Variants in CACNB2 observed in about 807,000 individuals in gnomAD.
The protein encoded by CACNB2 is voltage-dependent L-type calcium channel subunit beta-2.
In CACNB2, 42 loss-of-function variants were observed where a neutral mutation model predicts 73.3. The ratio of observed to expected loss-of-function variants is 0.57; its 90% CI spans 0.45 to 0.74. The LOEUF (loss-of-function observed/expected upper bound fraction) is 0.74. CACNB2 is among the 30% of genes least tolerant of loss of function. The pLI, the probability that CACNB2 is intolerant of heterozygous loss-of-function variation, is 0.00. For missense variants in CACNB2, 940 were observed against 853.0 expected (o/e 1.10, Z -1.27); for synonymous variants, 348 against 310.3 (o/e 1.12, Z -1.28).
At chr10:18,469,372 A>AC (rs1364102942) in intron 3 of CACNB2, among the ~76,000 whole-genome samples, 1 of 152,090 alleles carries the variant, frequency 6.6e-6, no homozygotes, top group Non-Finnish European at 1.5e-5. Flanking sequence ...TCTGTCAATT[A>AC]CCCCATCTTC....
chr10:18,479,919 C>G (rs1456582065), intron 3 of CACNB2, among the ~76,000 whole-genome samples: 1 of 152,102 alleles, frequency 6.6e-6, no homozygotes, highest in Non-Finnish European at 1.5e-5. Flanking sequence ...CAGCTCATTA[C>G]TTTTAGAGTC....
At chr10:18,468,030 A>T (rs1407337185) in intron 3 of CACNB2, among the ~76,000 whole-genome samples, 1 of 152,206 alleles carries the variant, frequency 6.6e-6, no homozygotes, top group Non-Finnish European at 1.5e-5. Flanking sequence ...GCCTTAAGGA[A>T]GATGGCATTC....
chr10:18,143,966 A>C (rs2130994080), intron 1 of CACNB2, among the ~76,000 whole-genome samples: 1 of 152,344 alleles, frequency 6.6e-6, no homozygotes, highest in Admixed American at 6.5e-5. Context: ...CATTCTGTCT[A>C]GAGAGAGGGA....
At chr10:18,345,223 T>G (rs1371884538) in intron 2 of CACNB2, among the ~76,000 whole-genome samples, 2 of 152,242 alleles carry the variant, frequency 1.3e-5, no homozygotes, top group Non-Finnish European at 2.9e-5. Context: ...TTGAATGTTC[T>G]TATAAGTCCC....
chr10:18,487,822 G>C (rs2049146299), intron 3 of CACNB2, among the ~76,000 whole-genome samples: 2 of 133,790 alleles, frequency 1.5e-5, no homozygotes, highest in Admixed American at 1.6e-4. Flanking sequence ...CTGGGCAACA[G>C]AGCAAGACTC....
At chr10:18,155,546 A>G (rs114133421) in intron 2 of CACNB2, among the ~76,000 whole-genome samples, 2 of 152,334 alleles carry the variant, frequency 1.3e-5, no homozygotes, top group African/African-American at 4.8e-5. Context: ...TTTCATACAC[A>G]TATGTATGCA....
At chr10:18,310,696 C>T (rs999785422) in intron 2 of CACNB2, among the ~76,000 whole-genome samples, 8 of 150,010 alleles carry the variant, frequency 5.3e-5, no homozygotes, top group Non-Finnish European at 1.2e-4. Context: ...TCTCCTGCCT[C>T]AGCCTCCCTA....
chr10:18,471,675 C>G (rs1293565359), intron 3 of CACNB2, among the ~76,000 whole-genome samples: 1 of 152,156 alleles, frequency 6.6e-6, no homozygotes, highest in East Asian at 1.9e-4. Context: ...CCACATGTAA[C>G]TATGGCCTGC....
intron 2 of CACNB2, among the ~76,000 whole-genome samples, chr10:18,304,824 C>G (rs773224934): frequency 2.6e-5 from 4 of 152,216 alleles, no homozygotes; most frequent in South Asian, 4.1e-4. Flanking sequence ...AGAAATCTCT[C>G]TCTCTGCTCT....
At chr10:18,201,592 A>G (rs2034885406) in intron 2 of CACNB2, among the ~76,000 whole-genome samples, 1 of 152,120 alleles carries the variant, frequency 6.6e-6, no homozygotes, top group Non-Finnish European at 1.5e-5. Flanking sequence ...TTTTTAATTG[A>G]CACATAATAA....
chr10:18,378,383 A>C (rs2042886155), intron 2 of CACNB2, among the ~76,000 whole-genome samples: 2 of 152,224 alleles, frequency 1.3e-5, no homozygotes, highest in African/African-American at 2.4e-5. Context: ...TAGCACCTAT[A>C]AAATTTCTTT....
chr10:18,358,543 TC>T (rs2042020356), intron 2 of CACNB2, among the ~76,000 whole-genome samples: 1 of 30,980 alleles, frequency 3.2e-5, no homozygotes, highest in African/African-American at 1.1e-4. Context: ...TCTCTCTCTC[TC>T]TCTCTCTCGC....
intron 2 of CACNB2, among the ~76,000 whole-genome samples, chr10:18,265,495 C>T (rs536065125): frequency 5.3e-5 from 8 of 152,154 alleles, no homozygotes; most frequent in Non-Finnish European, 1.2e-4. Context: ...CTTAGGTTAT[C>T]TGTCTTTTCA....
At chr10:18,422,702 AT>A (rs1423503774) in intron 3 of CACNB2, among the ~76,000 whole-genome samples, 2 of 140,000 alleles carry the variant, frequency 1.4e-5, no homozygotes, top group African/African-American at 2.6e-5. Context: ...TTCAAAAAAA[AT>A]TTTTTTTAAG....
chr10:18,526,838 C>T (rs1306924079), intron 9 of CACNB2, among the ~76,000 whole-genome samples: 1 of 152,100 alleles, frequency 6.6e-6, no homozygotes, highest in Non-Finnish European at 1.5e-5. Context: ...ATGCCTATCA[C>T]AGCAATGAAC....
At chr10:18,261,155 A>G in intron 2 of CACNB2, 1 of 1,544,198 alleles carries the variant, frequency 6.5e-7, no homozygotes, top group Non-Finnish European at 8.7e-7. Context: ...TGATTTGCTC[A>G]TGCCTCTTAC....
intron 3 of CACNB2, among the ~76,000 whole-genome samples, chr10:18,495,545 CTGTGTGTGTGTGTGTGTGTGTG>C (rs59858946): frequency 3.1e-4 from 39 of 124,708 alleles, no homozygotes; most frequent in African/African-American, 1.0e-3. Context: ...AGTATAAAAA[CTGTGTGTGTGTGTGTGTGTGTG>C]TGTGTGTGTG....
chr10:18,532,626 G>A (rs1329775380), intron 10 of CACNB2, among the ~76,000 whole-genome samples: 4 of 138,842 alleles, frequency 2.9e-5, no homozygotes, highest in African/African-American at 8.0e-5. Context: ...GTGGTGAGCC[G>A]AGACTGCACC....
intron 2 of CACNB2, among the ~76,000 whole-genome samples, chr10:18,199,845 A>G (rs957074196): frequency 6.6e-6 from 1 of 152,106 alleles, no homozygotes; most frequent in African/African-American, 2.4e-5. Context: ...AGCTTGGTCT[A>G]GAACATTGGT....
Sources: gnomAD v4.1 joint callset for allele counts (sites outside exome capture counted in the v4.1 genomes callset) on GRCh38, gnomAD v4.1.1 for gene constraint, MANE v1.5 for transcripts, NCBI Gene and HGNC (gene_info 2026-07-23, HGNC 2026-07-21) for gene names.